Variants in LSM6 observed in about 807,000 individuals in gnomAD.
LSM6 encodes U6 snRNA-associated Sm-like protein LSm6.
In LSM6, 2 loss-of-function variants were observed where a neutral mutation model predicts 13.5. The ratio of observed to expected loss-of-function variants is 0.15; its 90% CI spans 0.06 to 0.47. The LOEUF is 0.47. LSM6 is among the 20% of genes least tolerant of loss of function. The pLI is 0.97. For missense variants in LSM6, 58 were observed against 96.4 expected, an observed-to-expected ratio of 0.60 and a Z score of 1.67; for synonymous variants, 43 against 34.9, an observed-to-expected ratio of 1.23 and a Z score of -0.82.
chr4:146,189,500 C>G (rs17757715), intron 3 of LSM6, 122 bp from the exon 4 acceptor site: 9 of 663,480 alleles, frequency 1.4e-5, no homozygotes, highest in African/African-American at 7.5e-5. Context: ...TTGAATGATA[C>G]GAGAATTCCT....
At chr4:146,175,990 G>C (rs560171643) in intron 1 of LSM6, 179 bp downstream of exon 1, 2 of 152,532 alleles carry the variant, frequency 1.3e-5, no homozygotes, top group Admixed American at 6.5e-5. Context: ...CTGGGTGGCG[G>C]GTCCCCGCGA....
chr4:146,181,366 C>T (rs1378396900), intron 1 of LSM6: 1 of 152,088 alleles, frequency 6.6e-6, no homozygotes, highest in Non-Finnish European at 1.5e-5. Context: ...TTAAATTCTT[C>T]TAGATTTTAA....
intron 1 of LSM6, chr4:146,176,357 A>G (rs1730108428): frequency 2.6e-5 from 4 of 152,238 alleles, no homozygotes. Flanking sequence ...GAGGAACCCG[A>G]TTGTATGGTC....
intron 1 of LSM6, among the ~76,000 whole-genome samples, chr4:146,177,646 ATTTATTTTTT>A (rs1730140774): frequency 6.7e-6 from 1 of 149,410 alleles, no homozygotes. Flanking sequence ...ATTTATTTTT[ATTTATTTTTT>A]TATTTAGGGC....
chr4:146,184,124 A>G (rs1322672574), intron 2 of LSM6, among the ~76,000 whole-genome samples: 1 of 151,294 alleles, frequency 6.6e-6, no homozygotes, highest in Non-Finnish European at 1.5e-5. Flanking sequence ...CAGAGGGCAA[A>G]CCAGCACACT....
At chr4:146,181,961 CTGTTATACT>C (rs1171600219) in intron 1 of LSM6, among the ~76,000 whole-genome samples, 1 of 152,132 alleles carries the variant, frequency 6.6e-6, no homozygotes, top group Non-Finnish European at 1.5e-5. Flanking sequence ...TGTTAGACTC[CTGTTATACT>C]TGAGTTTTAA....
rs2110894451 is a variant in LSM6 at position 146,190,207 on chromosome 4, A to G, written c.*551A>G. ...AATAAAAAACAGAATTGGAAAGCCAAGAGTGCCACTTGCACATAAGGAGTG... is the reference window on the plus strand; with the variant it reads ...AATAAAAAACAGAATTGGAAAGCCAGGAGTGCCACTTGCACATAAGGAGTG... On this transcript the variant is annotated 3_prime_UTR_variant, in exon 4 of 4. Transcript: ENST00000296581. 6.5e-6 allele frequency: 1 copy of G among 152,818 alleles called. No individual in the cohort carries two copies. Among genetic ancestry groups the G allele is most frequent in the East Asian group, 1.9e-4 (1 of 5,214 alleles). 9.5% of individuals were successfully genotyped at this position (152,818 alleles called of 1,614,324 possible).
At chr4:146,178,723 A>G (rs1344369252) in intron 1 of LSM6, among the ~76,000 whole-genome samples, 2 of 152,214 alleles carry the variant, frequency 1.3e-5, no homozygotes, top group Admixed American at 1.3e-4. Flanking sequence ...GCATCTGTCC[A>G]TTGTATTTCT....
At position 146,189,675 on chromosome 4, in the gene LSM6, G is replaced by T. The variant is rs766274231; in HGVS notation, c.*19G>T. ...GATGTGAAGACACCAAGAGAGCAAC[G>T]CTTTTCATAGTTGGATATATTTTTT... On this transcript the variant is annotated 3_prime_UTR_variant, in exon 4 of 4. Transcript: ENST00000296581. The T allele has an allele frequency of 6.3e-7, 1 of 1,580,404 alleles. No individual in the cohort carries two copies. The highest frequency in any genetic ancestry group is 1.4e-5 in the African/African-American group (1 of 73,588).
In LSM6 at chr4:146,187,332, T is replaced by C. The variant is rs1279225320; in HGVS notation, c.153T>C (p.Tyr51=). 2 of 1,613,774 alleles carry C rather than the reference T, an allele frequency of 1.2e-6. No individual in the cohort carries two copies. The highest frequency in any genetic ancestry group is 1.1e-5 in the South Asian group (1 of 91,082). The change falls in exon 3 of 4, where the codon TAT becomes TAC. Residue 51 remains tyrosine, a synonymous_variant. Coordinates refer to ENST00000296581, the MANE Select transcript of LSM6 (RefSeq NM_007080.3). ...TAGCCCTGGAGCAGACAGAAGAATA[T>C]GTAAATGGACAACTGAAGAATAAGT... The part of the protein sequence containing the change: ...MNIALEQTEE[Y]VNGQLKNKYG...
rs1730438804 is a variant in LSM6, at chr4:146,190,138, A to AG, written c.*486dup. On this transcript the variant is annotated 3_prime_UTR_variant, in exon 4 of 4. Transcript: ENST00000296581. ...CCAGTTTCAGTCTGAAGCTACAAAA[A>AG]GGGGCCACAGGATCAGAAGTTCAGC... 6.5e-6 allele frequency: 1 copy of AG among 153,000 alleles called. No individual in the cohort carries two copies. The highest frequency in any genetic ancestry group is 6.5e-5 in the Admixed American group (1 of 15,300). 9.5% of individuals were successfully genotyped at this position (153,000 alleles called of 1,614,324 possible).
chr4:146,176,776 G>A (rs1220581429), intron 1 of LSM6: 1 of 151,988 alleles, frequency 6.6e-6, no homozygotes, highest in Non-Finnish European at 1.5e-5. Flanking sequence ...ACATTAGATT[G>A]TTTTTGAATT....
At chr4:146,176,481 C>G (rs1224693237) in intron 1 of LSM6, 4 of 152,222 alleles carry the variant, frequency 2.6e-5, no homozygotes, top group East Asian at 3.8e-4. Flanking sequence ...CCCCACTGCT[C>G]TTAGTAATAC....
chr4:146,177,090 G>A (rs973491193), intron 1 of LSM6, among the ~76,000 whole-genome samples: 3 of 152,058 alleles, frequency 2.0e-5, no homozygotes, highest in Non-Finnish European at 4.4e-5. Flanking sequence ...TGTTAGGGCA[G>A]GAAGAGACTT....
At chr4:146,187,419 C>A in intron 3 of LSM6, 32 bp downstream of exon 3, 4 of 1,299,366 alleles carry the variant, frequency 3.1e-6, no homozygotes, top group South Asian at 2.4e-5. Context: ...GTACAGCATT[C>A]AAAATAAGCC....
intron 3 of LSM6, 149 bp from the exon 4 acceptor site, chr4:146,189,473 A>C: frequency 3.2e-6 from 2 of 628,002 alleles, no homozygotes; most frequent in Admixed American, 3.5e-5. Context: ...CTAGTCTTAC[A>C]GTACTTCTAG....
chr4:146,184,347 C>T (rs930271069), intron 2 of LSM6, among the ~76,000 whole-genome samples: 1 of 151,996 alleles, frequency 6.6e-6, no homozygotes, highest in African/African-American at 2.4e-5. Flanking sequence ...ATCTCTTGAG[C>T]TTTTTCCTTT....
Position 146,189,884 on chromosome 4 carries a change from G to A in LSM6, c.*228G>A. On this transcript the variant is annotated 3_prime_UTR_variant, in exon 4 of 4. Coordinates refer to ENST00000296581, the MANE Select transcript of LSM6 (RefSeq NM_007080.3). ...TTACCTCGTTGTCAGTGTACAGAAT[G>A]CTAAAATAATTAAAAAAAGACAAAA... 2.4e-6 allele frequency: 1 copy of A among 421,698 alleles called. No homozygotes were observed. The highest frequency in any genetic ancestry group is 4.2e-6 in the Non-Finnish European group (1 of 238,872). 26.1% of individuals were successfully genotyped at this position (421,698 alleles called of 1,614,324 possible). A position where few individuals can be genotyped will look rare whatever the true frequency, so the allele number is the denominator to read the frequency against.
chr4:146,187,545 T>A (rs138157580), intron 3 of LSM6, 158 bp downstream of exon 3: 3 of 549,648 alleles, frequency 5.5e-6, no homozygotes, highest in Non-Finnish European at 9.8e-6. Flanking sequence ...CCAGTTATTT[T>A]GTAGATGCTT....
Sources: allele counts gnomAD v4.1 joint callset (sites outside exome capture counted in the v4.1 genomes callset), GRCh38; gene constraint gnomAD v4.1.1; transcripts MANE v1.5; gene names NCBI Gene and HGNC (gene_info 2026-07-23, HGNC 2026-07-21).